The following HDAC5 variants were observed in gnomAD, a reference collection of about 807,000 sequenced individuals.
The protein encoded by HDAC5 is antigen NY-CO-9.
A neutral mutation model predicts 133.3 loss-of-function variants in HDAC5; 25 were observed. The observed-to-expected ratio is 0.19, with a 90% CI of 0.14 to 0.26. The LOEUF is 0.26. Ranked by LOEUF, HDAC5 falls within the 10% of genes least tolerant of loss-of-function variation. HDAC5 has a pLI of 1.00. For missense variants in HDAC5, 1,041 were observed against 1,460.5 expected (o/e 0.71, Z 4.68); for synonymous variants, 589 against 610.8 (o/e 0.96, Z 0.53).
intron 13 of HDAC5, 149 bp downstream of exon 13, chr17:44,087,263 T>TGA: frequency 1.7e-6 from 1 of 593,650 alleles, no homozygotes; most frequent in Non-Finnish European, 3.1e-6. Context: ...ACCGGCCTCC[T>TGA]TCCCACTCCC....
intron 14 of HDAC5, 79 bp from the exon 15 acceptor site, chr17:44,085,234 G>A (rs2050590513): frequency 4.3e-6 from 6 of 1,387,218 alleles, no homozygotes; most frequent in African/African-American, 1.4e-5. Flanking sequence ...CCTCAGCAGG[G>A]CTCATGGAGC....
chr17:44,085,260 G>A (rs540403023), intron 14 of HDAC5, 105 bp from the exon 15 acceptor site: 26 of 1,230,178 alleles, frequency 2.1e-5, no homozygotes, highest in Admixed American at 2.6e-5. Context: ...CCAACCCCCA[G>A]GTCCAAACAC....
chr17:44,100,170 T>G (rs1567674088), intron 3 of HDAC5, among the ~76,000 whole-genome samples: 1 of 152,006 alleles, frequency 6.6e-6, no homozygotes, highest in African/African-American at 2.4e-5. Flanking sequence ...GAATTCACAA[T>G]AAAAAACAGA....
intron 13 of HDAC5, among the ~76,000 whole-genome samples, chr17:44,086,949 G>T (rs2050681977): frequency 7.2e-6 from 1 of 138,272 alleles, no homozygotes; most frequent in Non-Finnish European, 1.6e-5. Context: ...TCACATCAAA[G>T]AGTAGCATTG....
At chr17:44,115,481 C>T (rs1304828626) in intron 2 of HDAC5, among the ~76,000 whole-genome samples, 8 of 152,206 alleles carry the variant, frequency 5.3e-5, no homozygotes, top group African/African-American at 1.2e-4. Context: ...CAGGCTTCTG[C>T]CAGGCGCTGG....
chr17:44,092,827 G>A (rs752838673), intron 6 of HDAC5, 21 bp from the exon 7 acceptor site: 3 of 877,042 alleles, frequency 3.4e-6, no homozygotes, highest in South Asian at 1.9e-5. Flanking sequence ...GGGGGGGTGG[G>A]GATGGAAGCA....
chr17:44,092,816 G>A lies in HDAC5; in HGVS notation c.642-10C>T. 1.2e-6 allele frequency: 1 copy of A among 860,750 alleles called. No homozygotes were observed. Among genetic ancestry groups the A allele is most frequent in the Non-Finnish European group, 1.8e-6 (1 of 564,378 alleles). 53.3% of individuals were successfully genotyped at this position (860,750 alleles called of 1,614,324 possible). On this transcript the variant is annotated splice_polypyrimidine_tract_variant and intron_variant, in intron 6 of 26. Coordinates refer to ENST00000682912, the MANE Select transcript of HDAC5 (RefSeq NM_005474.5). The stretch of plus-strand genomic sequence containing the variant: ...AGCATGGTGGGCTCCCCTGGGGTGG[G>A]GGGGGGGTGGGGATGGAAGCAGATC...
chr17:44,095,464 T>C (rs2051208642), intron 3 of HDAC5, among the ~76,000 whole-genome samples: 1 of 148,302 alleles, frequency 6.7e-6, no homozygotes, highest in South Asian at 2.2e-4. Flanking sequence ...TGTCCCCTTC[T>C]GGGGCCTCAT....
At chr17:44,099,009 G>A (rs985946698) in intron 3 of HDAC5, among the ~76,000 whole-genome samples, 16 of 151,938 alleles carry the variant, frequency 1.1e-4, no homozygotes, top group African/African-American at 2.9e-4. Context: ...CCAGCTACTC[G>A]GGAGGCTGAG....
chr17:44,087,129 C>T (rs1298932270), intron 13 of HDAC5, among the ~76,000 whole-genome samples: 1 of 151,430 alleles, frequency 6.6e-6, no homozygotes, highest in Non-Finnish European at 1.5e-5. Context: ...GCACAGGGAC[C>T]GACGCATGCA....
intron 2 of HDAC5, chr17:44,111,221 CCTT>C (rs1177744063): frequency 3.4e-6 from 1 of 295,964 alleles, no homozygotes; most frequent in East Asian, 8.3e-5. Context: ...CCCTGCTCCT[CCTT>C]CCCGAATGAG....
At position 44,114,878 on chromosome 17, in the gene HDAC5, G is replaced by T. The variant is rs1326200173; in HGVS notation, c.22+2616C>A. On this transcript the variant is annotated intron_variant, in intron 2 of 26. Transcript: ENST00000682912. The stretch of plus-strand genomic sequence containing the variant: ...TCAGGGAATGGTCTCAGGGAAGCAG[G>T]CAACCCCATCAATAGCCTCCGCCTG... 6.6e-5 allele frequency among the ~76,000 whole-genome samples: 10 copies of T among 152,190 alleles called. No homozygotes were observed. In the East Asian group the frequency reaches 7.7e-4, roughly 12 times the overall value.
chr17:44,107,159 G>T (rs1300387796), intron 3 of HDAC5, among the ~76,000 whole-genome samples: 1 of 151,186 alleles, frequency 6.6e-6, no homozygotes, highest in Non-Finnish European at 1.5e-5. Flanking sequence ...GCTATGCTGC[G>T]CAGGCTGGTC....
At chr17:44,093,068 C>T in intron 6 of HDAC5, 24 bp downstream of exon 6, 1 of 1,565,248 alleles carries the variant, frequency 6.4e-7, no homozygotes, top group Non-Finnish European at 8.7e-7. Flanking sequence ...CCTATGCCCA[C>T]CCATGCCTGC....
chr17:44,093,256 TGGCA>T lies in HDAC5; in HGVS notation c.526+54_527-51del, dbSNP rs775487856. 7.6e-6 allele frequency: 12 copies of T among 1,586,630 alleles called. 1 individual carries two copies. In the South Asian group the frequency reaches 9.1e-5, roughly 12 times the overall value. On this transcript the variant is annotated intron_variant, in intron 5 of 26. Coordinates refer to ENST00000682912, the MANE Select transcript of HDAC5 (RefSeq NM_005474.5). The stretch of plus-strand genomic sequence containing the variant: ...TGGCTGCTTGGGGCCAGACCCCCCA[TGGCA>T]GGGGCAGGCATCACGGGCGGGGCCC...
chr17:44,094,944 T>G (rs1177193960), intron 3 of HDAC5, among the ~76,000 whole-genome samples: 1 of 151,874 alleles, frequency 6.6e-6, no homozygotes, highest in African/African-American at 2.4e-5. Context: ...TACAGGAGCA[T>G]GCCAATGCAC....
intron 3 of HDAC5, among the ~76,000 whole-genome samples, chr17:44,097,391 G>A (rs1036910761): frequency 6.6e-6 from 1 of 152,276 alleles, no homozygotes; most frequent in African/African-American, 2.4e-5. Context: ...CACATGTGCA[G>A]AAGTGGCCAG....
chr17:44,119,604 G>A (rs542523634), intron 1 of HDAC5, among the ~76,000 whole-genome samples: 1 of 152,154 alleles, frequency 6.6e-6, no homozygotes, highest in African/African-American at 2.4e-5. Flanking sequence ...CAGGATCCCT[G>A]GGCCCCTGGG....
At chr17:44,101,556 G>C (rs771797111) in intron 3 of HDAC5, among the ~76,000 whole-genome samples, 1 of 152,088 alleles carries the variant, frequency 6.6e-6, no homozygotes, top group Non-Finnish European at 1.5e-5. Flanking sequence ...ACATAAATGA[G>C]GTCCGTGCAG....
Sources: allele counts gnomAD v4.1 joint callset (sites outside exome capture counted in the v4.1 genomes callset), GRCh38; gene constraint gnomAD v4.1.1; transcripts MANE v1.5; gene names NCBI Gene and HGNC (gene_info 2026-07-23, HGNC 2026-07-21).